Variants in TENM3 observed in about 807,000 individuals in gnomAD.
The protein encoded by TENM3 is teneurin transmembrane protein 3, also known as teneurin-3.
TENM3 carries 63 observed loss-of-function variants against 255.1 expected under a neutral mutation model. The observed-to-expected ratio is 0.25, with a 90% CI of 0.20 to 0.30. TENM3 has a LOEUF of 0.30. Ranked by LOEUF, TENM3 falls within the 10% of genes least tolerant of loss-of-function variation. TENM3 has a pLI of 1.00. For missense variants in TENM3, 2,929 were observed against 3,461.1 expected (o/e 0.85, Z 3.86); for synonymous variants, 1,306 against 1,322.3 (o/e 0.99, Z 0.27).
At chr4:182,672,093 G>A (rs963308034) in intron 6 of TENM3, among the ~76,000 whole-genome samples, 7 of 152,026 alleles carry the variant, frequency 4.6e-5, no homozygotes, top group African/African-American at 7.2e-5. Flanking sequence ...TTCCACTCAC[G>A]GCAAATTGCA....
intron 12 of TENM3, among the ~76,000 whole-genome samples, chr4:182,691,068 A>G (rs928942097): frequency 2.0e-5 from 3 of 152,236 alleles, no homozygotes; most frequent in Non-Finnish European, 2.9e-5. Context: ...CAAAGATCCA[A>G]TTGCCTTTCC....
the TENM3 span, among the ~76,000 whole-genome samples, chr4:181,949,479 A>G: frequency 6.6e-6 from 1 of 152,116 alleles, no homozygotes; most frequent in African/African-American, 2.4e-5. Context: ...CCATCTGCAA[A>G]TCCTATTATT....
the TENM3 span, among the ~76,000 whole-genome samples, chr4:181,895,143 T>G: frequency 2.0e-5 from 3 of 152,074 alleles, no homozygotes; most frequent in Non-Finnish European, 4.4e-5. Flanking sequence ...TTTAACACAT[T>G]AACATACGCT....
chr4:181,537,033 G>A, the TENM3 span, among the ~76,000 whole-genome samples: 2 of 152,028 alleles, frequency 1.3e-5, no homozygotes, highest in Admixed American at 1.3e-4. Context: ...CGAGTAAAGA[G>A]AACTTTTTTT....
chr4:182,378,703 G>GT (rs1341299255), intron 3 of TENM3, among the ~76,000 whole-genome samples: 2 of 152,278 alleles, frequency 1.3e-5, no homozygotes, highest in African/African-American at 4.8e-5. Context: ...GGAAAGTCGG[G>GT]TTTTGCAGAG....
the TENM3 span, among the ~76,000 whole-genome samples, chr4:181,547,040 C>T: frequency 6.6e-6 from 1 of 152,108 alleles, no homozygotes; most frequent in Non-Finnish European, 1.5e-5. Context: ...ATCCTACCCC[C>T]ATTTTTTAGC....
intron 3 of TENM3, among the ~76,000 whole-genome samples, chr4:182,436,931 G>A (rs1200080614): frequency 6.6e-6 from 1 of 151,766 alleles, no homozygotes; most frequent in Non-Finnish European, 1.5e-5. Flanking sequence ...GGGAGGCTGA[G>A]GCAGGAGAAT....
intron 27 of TENM3, among the ~76,000 whole-genome samples, chr4:182,798,559 A>G (rs1766666713): frequency 1.3e-5 from 2 of 152,332 alleles, no homozygotes; most frequent in South Asian, 4.1e-4. Context: ...CCTGCGGTTA[A>G]GCAGTGCATG....
At chr4:181,766,274 A>C in the TENM3 span, among the ~76,000 whole-genome samples, 1 of 152,206 alleles carries the variant, frequency 6.6e-6, no homozygotes, top group Non-Finnish European at 1.5e-5. Context: ...ACAGCAAATA[A>C]AACTTCATGC....
At chr4:181,968,858 A>G in the TENM3 span, among the ~76,000 whole-genome samples, 1 of 152,146 alleles carries the variant, frequency 6.6e-6, no homozygotes. Flanking sequence ...AATTGGAGGA[A>G]TCATTACATA....
the TENM3 span, among the ~76,000 whole-genome samples, chr4:181,578,511 G>A: frequency 3.3e-4 from 50 of 152,310 alleles, no homozygotes; most frequent in African/African-American, 1.2e-3. Flanking sequence ...GCTGCGGAGA[G>A]GCACTGCTCA....
chr4:181,894,311 A>T, the TENM3 span, among the ~76,000 whole-genome samples: 1 of 152,172 alleles, frequency 6.6e-6, no homozygotes, highest in East Asian at 1.9e-4. Flanking sequence ...GGCTAGCGAG[A>T]AAAGTAAGAG....
chr4:182,757,073 G>T (rs1762791578), intron 22 of TENM3, among the ~76,000 whole-genome samples: 1 of 152,122 alleles, frequency 6.6e-6, no homozygotes, highest in African/African-American at 2.4e-5. Flanking sequence ...AGCACTTTGG[G>T]AGGCCGAGGC....
At chr4:181,530,743 AC>A in the TENM3 span, among the ~76,000 whole-genome samples, 1 of 152,230 alleles carries the variant, frequency 6.6e-6, no homozygotes, top group Non-Finnish European at 1.5e-5. Context: ...TGATTCAACA[AC>A]AAAGATATTG....
chr4:182,138,765 A>C, the TENM3 span, among the ~76,000 whole-genome samples: 2 of 152,234 alleles, frequency 1.3e-5, no homozygotes, highest in Non-Finnish European at 2.9e-5. Flanking sequence ...CCTACTGAAA[A>C]AGAGAAAACC....
intron 1 of TENM3, among the ~76,000 whole-genome samples, chr4:182,194,728 G>C (rs560312607): frequency 1.3e-5 from 2 of 152,290 alleles, no homozygotes; most frequent in South Asian, 4.1e-4. Context: ...AGTGAAGTTT[G>C]AGAAGTTATG....
the TENM3 span, among the ~76,000 whole-genome samples, chr4:181,852,380 C>T: frequency 6.6e-6 from 1 of 152,174 alleles, no homozygotes; most frequent in Non-Finnish European, 1.5e-5. Flanking sequence ...TCAGGTCCTT[C>T]CTCCACCACT....
the TENM3 span, among the ~76,000 whole-genome samples, chr4:181,825,400 CAAAAAAAAAA>C: frequency 0.051 from 3,599 of 70,496 alleles, 61 homozygotes; most frequent in Middle Eastern, 0.11. Context: ...GACTCCATCT[CAAAAAAAAAA>C]AAAAAAAAAA....
chr4:182,308,607 T>C (rs1762267074), intron 1 of TENM3, among the ~76,000 whole-genome samples: 1 of 152,234 alleles, frequency 6.6e-6, no homozygotes. Flanking sequence ...CCTAATGTGC[T>C]GTGATTACAG....
Sources: gnomAD v4.1 joint callset for allele counts (sites outside exome capture counted in the v4.1 genomes callset) on GRCh38, gnomAD v4.1.1 for gene constraint, MANE v1.5 for transcripts, NCBI Gene and HGNC (gene_info 2026-07-23, HGNC 2026-07-21) for gene names.